Variants in DCDC1 observed in about 807,000 individuals in gnomAD.
DCDC1 encodes the protein doublecortin domain containing 1.
A neutral mutation model predicts 178.3 loss-of-function variants in DCDC1; 200 were observed. The observed-to-expected ratio is 1.12, with a 90% confidence interval of 1.00 to 1.26. The LOEUF (loss-of-function observed/expected upper bound fraction) is 1.26, where lower values mean the gene tolerates loss of function less well. Among genes scored for constraint, DCDC1 ranks in the 50% most tolerant of loss-of-function variants. DCDC1 has a pLI of 0.00. For missense variants in DCDC1, 1,983 were observed against 1,749.2 expected (o/e 1.13, Z -2.38); for synonymous variants, 690 against 604.8 (o/e 1.14, Z -2.07).
intron 3 of DCDC1, among the ~76,000 whole-genome samples, chr11:31,312,139 T>C (rs1344607324): frequency 6.6e-6 from 1 of 152,118 alleles, no homozygotes; most frequent in African/African-American, 2.4e-5. Flanking sequence ...CAGCTTTTGG[T>C]CCTTACTTGC....
At chr11:30,989,779 T>A (rs1045375922) in intron 20 of DCDC1, among the ~76,000 whole-genome samples, 1 of 152,172 alleles carries the variant, frequency 6.6e-6, no homozygotes, top group Non-Finnish European at 1.5e-5. Context: ...TAGGAAGCCA[T>A]TTTTTAAAAG....
At chr11:31,030,450 T>C (rs1046544374) in intron 20 of DCDC1, among the ~76,000 whole-genome samples, 2 of 152,174 alleles carry the variant, frequency 1.3e-5, no homozygotes, top group African/African-American at 2.4e-5. Flanking sequence ...AGGGAAGGAT[T>C]GGTAGATTGT....
chr11:31,173,164 A>C (rs567547628), intron 9 of DCDC1, among the ~76,000 whole-genome samples: 1 of 152,332 alleles, frequency 6.6e-6, no homozygotes, highest in African/African-American at 2.4e-5. Context: ...TAAATGTATA[A>C]AAATATTTTT....
intron 9 of DCDC1, among the ~76,000 whole-genome samples, chr11:31,195,191 G>A (rs1237977881): frequency 6.6e-6 from 1 of 152,044 alleles, no homozygotes; most frequent in Non-Finnish European, 1.5e-5. Flanking sequence ...GAGGGAGTAG[G>A]AATTGTGATA....
intron 20 of DCDC1, among the ~76,000 whole-genome samples, chr11:30,976,493 A>G (rs1950109382): frequency 6.6e-6 from 1 of 152,178 alleles, no homozygotes; most frequent in East Asian, 1.9e-4. Flanking sequence ...CAGTAAAAAG[A>G]CAAATAATTC....
chr11:31,026,091 T>A (rs955714398), intron 20 of DCDC1, among the ~76,000 whole-genome samples: 1 of 151,788 alleles, frequency 6.6e-6, no homozygotes, highest in Non-Finnish European at 1.5e-5. Flanking sequence ...CATTCTTAAT[T>A]CAAATATCAT....
intron 34 of DCDC1, among the ~76,000 whole-genome samples, chr11:30,898,355 C>T (rs1162508142): frequency 1.3e-5 from 2 of 151,974 alleles, no homozygotes; most frequent in East Asian, 1.9e-4. Flanking sequence ...TCCAATGGTC[C>T]CAAGGAATAT....
intron 20 of DCDC1, among the ~76,000 whole-genome samples, chr11:31,017,503 A>C (rs2135168939): frequency 6.6e-6 from 1 of 152,288 alleles, no homozygotes; most frequent in South Asian, 2.1e-4. Context: ...AATTTAAAAA[A>C]TAATATTTGT....
intron 28 of DCDC1, among the ~76,000 whole-genome samples, chr11:30,911,068 C>A (rs1247042388): frequency 6.6e-6 from 1 of 152,078 alleles, no homozygotes; most frequent in African/African-American, 2.4e-5. Flanking sequence ...CTCATGCTTG[C>A]CATTGGGTTT....
intron 2 of DCDC1, among the ~76,000 whole-genome samples, chr11:31,331,581 T>C (rs1228771604): frequency 1.3e-5 from 2 of 152,228 alleles, no homozygotes; most frequent in African/African-American, 2.4e-5. Context: ...ATTGAGTTTT[T>C]AGCACAAAGG....
chr11:31,157,373 A>ATATATC (rs1965832921), intron 9 of DCDC1, among the ~76,000 whole-genome samples: 4 of 61,244 alleles, frequency 6.5e-5, no homozygotes, highest in Non-Finnish European at 1.6e-4. Context: ...AAAAAAAAAA[A>ATATATC]TATATATATA....
At chr11:31,287,905 C>A (rs960435582) in intron 7 of DCDC1, among the ~76,000 whole-genome samples, 2 of 147,758 alleles carry the variant, frequency 1.4e-5, no homozygotes, top group African/African-American at 5.0e-5. Flanking sequence ...AAGAGGACAG[C>A]GTTTTTTTTT....
At chr11:31,269,383 C>T (rs1436423047) in intron 7 of DCDC1, among the ~76,000 whole-genome samples, 2 of 140,216 alleles carry the variant, frequency 1.4e-5, no homozygotes, top group South Asian at 2.3e-4. Context: ...TTTGTTAATT[C>T]CTTTTTTTTT....
intron 9 of DCDC1, among the ~76,000 whole-genome samples, chr11:31,148,210 TAAAAAAAAAA>T (rs55829692): frequency 1.0e-5 from 1 of 95,672 alleles, no homozygotes; most frequent in African/African-American, 3.9e-5. Flanking sequence ...TTTATTATTA[TAAAAAAAAAA>T]AAAAAAAAAA....
chr11:31,256,871 T>C (rs559706619), intron 8 of DCDC1, among the ~76,000 whole-genome samples: 2 of 152,280 alleles, frequency 1.3e-5, no homozygotes, highest in Admixed American at 1.3e-4. Flanking sequence ...CAGAAAATGC[T>C]GGGATTGCAT....
intron 9 of DCDC1, among the ~76,000 whole-genome samples, chr11:31,203,462 C>T (rs1463545649): frequency 1.3e-5 from 2 of 152,154 alleles, no homozygotes; most frequent in Admixed American, 6.5e-5. Flanking sequence ...GACTGAGACA[C>T]CTATATAACG....
intron 9 of DCDC1, 111 bp downstream of exon 9, chr11:31,241,339 C>T: frequency 5.1e-6 from 2 of 389,930 alleles, no homozygotes; most frequent in Non-Finnish European, 9.1e-6. Context: ...ACTGAGCTCA[C>T]AAAATACATG....
rs370461790 is a variant in DCDC1 at position 30,899,577 on chromosome 11, G to T, written c.4729C>A (p.Leu1577Ile). The change falls in exon 34 of 39, where the codon CTA (leucine) becomes ATA (isoleucine). Residue 1577 changes from leucine (L) to isoleucine (I), a missense_variant. Physicochemically the swap from Leu to Ile is conservative, Grantham distance 5. Transcript: ENST00000684477. ...WLKKDRILAD[L>I]DTMRHKMRQL... ...CTCATTTTGTGTCTCATGGTATCTA[G>T]ATCAGCCAAAATTCTGTCCTTTTTT... The T allele has an allele frequency of 1.3e-4, 205 of 1,586,832 alleles. No individual in the cohort carries two copies. In the Middle Eastern group the frequency reaches 2.7e-3, roughly 21 times the overall value.
At chr11:31,115,986 G>GT (rs1272010153) in intron 11 of DCDC1, among the ~76,000 whole-genome samples, 2 of 136,220 alleles carry the variant, frequency 1.5e-5, no homozygotes, top group African/African-American at 2.6e-5. Flanking sequence ...GGCAGTGGGG[G>GT]GGGGGGGGAT....
Sources: gnomAD v4.1 joint callset for allele counts (sites outside exome capture counted in the v4.1 genomes callset) on GRCh38, gnomAD v4.1.1 for gene constraint, MANE v1.5 for transcripts, NCBI Gene and HGNC (gene_info 2026-07-23, HGNC 2026-07-21) for gene names.